CLVS1: variants seen among roughly 807,000 people sequenced by gnomAD.
The protein encoded by CLVS1 is clavesin 1.
A neutral mutation model predicts 33.1 loss-of-function variants in CLVS1; 10 were observed. The observed-to-expected ratio is 0.30, with a 90% CI of 0.19 to 0.51. The LOEUF (loss-of-function observed/expected upper bound fraction) is 0.51. CLVS1 is among the 20% of genes least tolerant of loss of function. CLVS1 has a pLI of 0.97. For missense variants in CLVS1, 343 were observed against 433.4 expected (o/e 0.79, Z 1.85); for synonymous variants, 163 against 166.1 (o/e 0.98, Z 0.14).
chr8:61,059,832 T>C (rs1804552530), intron 1 of CLVS1, among the ~76,000 whole-genome samples: 1 of 151,082 alleles, frequency 6.6e-6, no homozygotes, highest in South Asian at 2.1e-4. Context: ...ATAGTGAACG[T>C]ATATTTATTC....
At chr8:61,238,077 C>A (rs1808605363) in intron 2 of CLVS1, among the ~76,000 whole-genome samples, 1 of 152,092 alleles carries the variant, frequency 6.6e-6, no homozygotes, top group Non-Finnish European at 1.5e-5. Flanking sequence ...CCTACCCTGC[C>A]CCACACCTCT....
chr8:61,335,155 G>A (rs1327497365), intron 2 of CLVS1, among the ~76,000 whole-genome samples: 1 of 152,166 alleles, frequency 6.6e-6, no homozygotes, highest in Non-Finnish European at 1.5e-5. Flanking sequence ...CAAAATATTG[G>A]AAGCACTGAT....
intron 3 of CLVS1, among the ~76,000 whole-genome samples, chr8:61,416,431 G>C (rs1815441315): frequency 6.6e-6 from 1 of 152,110 alleles, no homozygotes; most frequent in Non-Finnish European, 1.5e-5. Context: ...ATCCCAAGAG[G>C]ATCTGTCACT....
the CLVS1 span, chr8:60,965,106 A>C: frequency 6.6e-6 from 1 of 152,064 alleles, no homozygotes; most frequent in East Asian, 1.9e-4. Context: ...CCCCACAGGG[A>C]GGGAAGTGTG....
the CLVS1 span, among the ~76,000 whole-genome samples, chr8:61,002,217 A>G: frequency 6.6e-6 from 1 of 151,880 alleles, no homozygotes; most frequent in African/African-American, 2.4e-5. Flanking sequence ...CCTGGGCTCA[A>G]GGGATCCTCT....
At chr8:61,071,035 C>G (rs1039070428) in intron 1 of CLVS1, among the ~76,000 whole-genome samples, 2 of 152,168 alleles carry the variant, frequency 1.3e-5, no homozygotes, top group African/African-American at 2.4e-5. Flanking sequence ...CCGCTCTTGA[C>G]CTGTAACTAA....
intron 2 of CLVS1, among the ~76,000 whole-genome samples, chr8:61,259,658 A>G (rs1393780487): frequency 6.6e-6 from 1 of 152,258 alleles, no homozygotes; most frequent in Non-Finnish European, 1.5e-5. Context: ...AGATTTCAAT[A>G]GCACGGCACA....
intron 2 of CLVS1, among the ~76,000 whole-genome samples, chr8:61,334,980 AG>A (rs1365237295): frequency 6.6e-6 from 1 of 152,146 alleles, no homozygotes; most frequent in Non-Finnish European, 1.5e-5. Flanking sequence ...TTTGGTAGGT[AG>A]GGGGAAACCA....
intron 2 of CLVS1, among the ~76,000 whole-genome samples, chr8:61,190,453 A>G (rs1179355122): frequency 6.6e-6 from 1 of 152,218 alleles, no homozygotes; most frequent in African/African-American, 2.4e-5. Flanking sequence ...CTAACATCAC[A>G]ATTGAAAGAA....
At chr8:61,278,779 C>T (rs1190647740) in intron 2 of CLVS1, among the ~76,000 whole-genome samples, 9 of 152,222 alleles carry the variant, frequency 5.9e-5, no homozygotes, top group Non-Finnish European at 1.3e-4. Flanking sequence ...GTGGGTCTCC[C>T]TCAGAAGAGG....
the CLVS1 span, among the ~76,000 whole-genome samples, chr8:61,015,101 C>A: frequency 2.0e-5 from 3 of 152,320 alleles, no homozygotes; most frequent in Admixed American, 1.3e-4. Flanking sequence ...TGGAAGGTAG[C>A]AGGAAATAAG....
intron 2 of CLVS1, among the ~76,000 whole-genome samples, chr8:61,328,639 A>G (rs1811474412): frequency 6.6e-6 from 1 of 152,134 alleles, no homozygotes; most frequent in Admixed American, 6.5e-5. Context: ...CCAGACAGAA[A>G]ATTCCCAGAT....
chr8:61,274,756 T>A (rs1321459964), intron 2 of CLVS1, among the ~76,000 whole-genome samples: 3 of 152,198 alleles, frequency 2.0e-5, no homozygotes, highest in African/African-American at 7.2e-5. Flanking sequence ...ATCCTTTTTG[T>A]TTAGATGGAG....
chr8:61,436,844 A>G (rs1816347721), intron 3 of CLVS1, among the ~76,000 whole-genome samples: 1 of 152,124 alleles, frequency 6.6e-6, no homozygotes. Flanking sequence ...TGAACTGACA[A>G]TAGATAGATT....
At chr8:61,471,680 T>C (rs944456997) in intron 5 of CLVS1, among the ~76,000 whole-genome samples, 2 of 152,192 alleles carry the variant, frequency 1.3e-5, no homozygotes, top group East Asian at 1.9e-4. Context: ...CCCTTCCTCC[T>C]GGTCAGCCAA....
chr8:61,337,847 T>C (rs1026391580), intron 2 of CLVS1, among the ~76,000 whole-genome samples: 1 of 152,208 alleles, frequency 6.6e-6, no homozygotes, highest in Admixed American at 6.5e-5. Context: ...TACCACATCA[T>C]GCAGAGGACT....
At chr8:61,439,200 G>A (rs1001815673) in intron 3 of CLVS1, among the ~76,000 whole-genome samples, 1 of 152,150 alleles carries the variant, frequency 6.6e-6, no homozygotes, top group African/African-American at 2.4e-5. Context: ...GATTTCCTCT[G>A]CAAATCAGCG....
chr8:61,468,947 G>A (rs894192775), intron 5 of CLVS1, among the ~76,000 whole-genome samples: 1 of 152,096 alleles, frequency 6.6e-6, no homozygotes, highest in Non-Finnish European at 1.5e-5. Flanking sequence ...CACACCCCAC[G>A]AGGTGCTGCC....
chr8:61,419,810 C>T (rs775584232), intron 3 of CLVS1, among the ~76,000 whole-genome samples: 7 of 152,200 alleles, frequency 4.6e-5, no homozygotes, highest in Admixed American at 3.9e-4. Flanking sequence ...TCCTGTTAAA[C>T]TTAACTGCAT....
Sources: gnomAD v4.1 joint callset for allele counts (sites outside exome capture counted in the v4.1 genomes callset) on GRCh38, gnomAD v4.1.1 for gene constraint, MANE v1.5 for transcripts, NCBI Gene and HGNC (gene_info 2026-07-23, HGNC 2026-07-21) for gene names.